Variants in EEFSEC observed in about 807,000 individuals in gnomAD.
EEFSEC encodes selenocysteine-specific elongation factor.
A neutral mutation model predicts 42.1 loss-of-function variants in EEFSEC; 43 were observed. The ratio of observed to expected loss-of-function variants is 1.02; its 90% CI spans 0.80 to 1.32. EEFSEC has a LOEUF of 1.32. Among genes scored for constraint, EEFSEC ranks in the 40% most tolerant of loss-of-function variants. The probability of loss-of-function intolerance (pLI) is 0.00; values close to 1 mark genes in which losing one functional copy is unlikely to be tolerated. For synonymous variants in EEFSEC, 354 were observed against 339.1 expected, an observed-to-expected ratio of 1.04 and a Z score of -0.48; for missense variants, 745 against 803.6, an observed-to-expected ratio of 0.93 and a Z score of 0.88.
At chr3:128,246,806 C>T (rs2066133038) in intron 1 of EEFSEC, 30 bp from the exon 2 acceptor site, 6 of 1,610,700 alleles carry the variant, frequency 3.7e-6, no homozygotes, top group African/African-American at 1.3e-5. Flanking sequence ...ACCCCTTTTC[C>T]CTTTCTAACC....
intron 6 of EEFSEC, among the ~76,000 whole-genome samples, chr3:128,368,092 C>T (rs1423017070): frequency 6.6e-6 from 1 of 152,204 alleles, no homozygotes; most frequent in African/African-American, 2.4e-5. Flanking sequence ...GTCCTGTCTC[C>T]AGCTACAGCC....
the EEFSEC span, among the ~76,000 whole-genome samples, chr3:128,417,270 C>A: frequency 6.6e-6 from 1 of 152,122 alleles, no homozygotes; most frequent in Non-Finnish European, 1.5e-5. This position sits in a 1 kb window ranked among gnomAD's most constrained non-coding sequence, Gnocchi z 4.3. Flanking sequence ...CTCACCATGA[C>A]CCCCAGGCCC....
chr3:128,166,066 G>A (rs971783321), intron 1 of EEFSEC, among the ~76,000 whole-genome samples: 2 of 152,236 alleles, frequency 1.3e-5, no homozygotes, highest in Non-Finnish European at 2.9e-5. Flanking sequence ...GGGACATTCA[G>A]AGATGATCTT....
intron 5 of EEFSEC, among the ~76,000 whole-genome samples, chr3:128,350,903 G>A (rs2067377519): frequency 6.6e-6 from 1 of 152,188 alleles, no homozygotes; most frequent in Non-Finnish European, 1.5e-5. Context: ...TGTCCGTGGG[G>A]AAAGTTTTCT....
chr3:128,201,385 A>C (rs75362033), intron 1 of EEFSEC, among the ~76,000 whole-genome samples: 1 of 144,918 alleles, frequency 6.9e-6, no homozygotes, highest in Non-Finnish European at 1.5e-5. Context: ...TGTGCTTAAG[A>C]AAAAAAAAAA....
chr3:128,370,499 G>A (rs2067641249), intron 6 of EEFSEC, among the ~76,000 whole-genome samples: 1 of 152,170 alleles, frequency 6.6e-6, no homozygotes. Flanking sequence ...CAGCAGTGAG[G>A]CAGAGCTGAC....
At chr3:128,381,314 C>G (rs1017183119) in intron 6 of EEFSEC, among the ~76,000 whole-genome samples, 1 of 152,120 alleles carries the variant, frequency 6.6e-6, no homozygotes, top group South Asian at 2.1e-4. Flanking sequence ...ATGGGTTGGG[C>G]GGCTGGTGTA....
intron 4 of EEFSEC, among the ~76,000 whole-genome samples, chr3:128,330,735 A>C (rs2067118185): frequency 6.6e-6 from 1 of 151,522 alleles, no homozygotes; most frequent in African/African-American, 2.4e-5. Context: ...GCATCAGTGC[A>C]TCTCCCCTCT....
At chr3:128,377,530 A>G (rs2067723902) in intron 6 of EEFSEC, among the ~76,000 whole-genome samples, 2 of 152,276 alleles carry the variant, frequency 1.3e-5, no homozygotes, top group African/African-American at 4.8e-5. Context: ...AGCAATAGCA[A>G]GAGCTGTGTT....
At chr3:128,412,841 A>G (rs950223169), downstream of EEFSEC, among the ~76,000 whole-genome samples, 1 of 152,160 alleles carries the variant, frequency 6.6e-6, no homozygotes, top group Non-Finnish European at 1.5e-5. Context: ...CAGGGGCTCC[A>G]TTCCCTTTGC....
At chr3:128,274,413 G>A (rs2066445606) in intron 4 of EEFSEC, among the ~76,000 whole-genome samples, 1 of 152,228 alleles carries the variant, frequency 6.6e-6, no homozygotes, top group Non-Finnish European at 1.5e-5. Context: ...CCTCTACATG[G>A]AGCCCTGGCA....
intron 6 of EEFSEC, among the ~76,000 whole-genome samples, 178 bp downstream of exon 6, chr3:128,358,551 TG>T (rs1203701257): frequency 1.3e-5 from 2 of 152,212 alleles, no homozygotes; most frequent in Non-Finnish European, 2.9e-5. Context: ...GTATGGGTTC[TG>T]GGAAGAGCCT....
chr3:128,347,961 A>C (rs2067332710), intron 5 of EEFSEC, among the ~76,000 whole-genome samples: 1 of 152,212 alleles, frequency 6.6e-6, no homozygotes, highest in Non-Finnish European at 1.5e-5. Flanking sequence ...AATAGAGTAT[A>C]CATTTTTTTT....
At chr3:128,321,418 G>T (rs1362762064) in intron 4 of EEFSEC, among the ~76,000 whole-genome samples, 1 of 152,162 alleles carries the variant, frequency 6.6e-6, no homozygotes, top group Non-Finnish European at 1.5e-5. Context: ...GTGGAGAGGG[G>T]GAAGGACCCA....
intron 4 of EEFSEC, among the ~76,000 whole-genome samples, chr3:128,281,364 A>G (rs1439367673): frequency 1.3e-5 from 2 of 152,056 alleles, no homozygotes; most frequent in Admixed American, 1.3e-4. Flanking sequence ...GGTCACTTCC[A>G]TTTTAGCTGA....
intron 1 of EEFSEC, among the ~76,000 whole-genome samples, chr3:128,155,362 C>T (rs1405275815): frequency 2.0e-5 from 3 of 152,006 alleles, no homozygotes; most frequent in Non-Finnish European, 4.4e-5. Context: ...CCCCATGCCT[C>T]GGCCTCCCAA....
intron 2 of EEFSEC, among the ~76,000 whole-genome samples, chr3:128,260,148 A>G (rs796543351): frequency 1.3e-5 from 2 of 151,906 alleles, no homozygotes; most frequent in African/African-American, 4.8e-5. Flanking sequence ...TTTTATTTTT[A>G]ACTTTCACTT....
intron 1 of EEFSEC, among the ~76,000 whole-genome samples, chr3:128,224,060 A>C (rs1379326892): frequency 6.7e-6 from 1 of 149,954 alleles, no homozygotes; most frequent in Non-Finnish European, 1.5e-5. Flanking sequence ...TTCTCTTTTC[A>C]TTTGTGCAGG....
intron 1 of EEFSEC, among the ~76,000 whole-genome samples, chr3:128,180,103 T>G (rs1218386967): frequency 2.6e-5 from 4 of 151,960 alleles, no homozygotes; most frequent in South Asian, 2.1e-4. Context: ...TGTTTTTGGT[T>G]TTTTTTTGCC....
Sources: gnomAD v4.1 joint callset for allele counts (sites outside exome capture counted in the v4.1 genomes callset) on GRCh38, gnomAD v4.1.1 for gene constraint, Gnocchi (gnomAD v3.1) non-coding constraint, MANE v1.5 for transcripts, NCBI Gene and HGNC (gene_info 2026-07-23, HGNC 2026-07-21) for gene names.